CNTNAP2: variants seen among roughly 807,000 people sequenced by gnomAD.
CNTNAP2 encodes the protein contactin associated protein 2.
In CNTNAP2, 98 loss-of-function variants were observed where a neutral mutation model predicts 155.2. That is an observed-to-expected ratio of 0.63 (90% CI 0.54 to 0.75). The LOEUF is 0.75. CNTNAP2 is among the 30% of genes least tolerant of loss of function. CNTNAP2 has a pLI of 0.00. For missense variants in CNTNAP2, 1,727 were observed against 1,688.1 expected (o/e 1.02, Z -0.40); for synonymous variants, 651 against 631.2 (o/e 1.03, Z -0.47).
chr7:147,647,207 C>T (rs1052836993), intron 13 of CNTNAP2, among the ~76,000 whole-genome samples: 2 of 151,272 alleles, frequency 1.3e-5, no homozygotes, highest in Non-Finnish European at 2.9e-5. Context: ...CACCATGTTG[C>T]CCAGACTGGT....
At chr7:146,713,916 A>G (rs1435354169) in intron 1 of CNTNAP2, among the ~76,000 whole-genome samples, 2 of 152,182 alleles carry the variant, frequency 1.3e-5, no homozygotes, top group African/African-American at 2.4e-5. Flanking sequence ...TATTGTAAAA[A>G]TAAAATGAAC....
At chr7:148,264,282 G>A (rs1563017180) in intron 20 of CNTNAP2, among the ~76,000 whole-genome samples, 1 of 152,034 alleles carries the variant, frequency 6.6e-6, no homozygotes. Flanking sequence ...TGTGTTAGTT[G>A]GGTTCCATCC....
intron 11 of CNTNAP2, among the ~76,000 whole-genome samples, chr7:147,527,974 A>G (rs1027531591): frequency 4.6e-5 from 7 of 152,226 alleles, no homozygotes; most frequent in African/African-American, 1.7e-4. Context: ...ATTGAGCTCA[A>G]TCCCACTGGA....
At chr7:147,487,580 G>C (rs1041289545) in intron 11 of CNTNAP2, among the ~76,000 whole-genome samples, 1 of 152,154 alleles carries the variant, frequency 6.6e-6, no homozygotes, top group Non-Finnish European at 1.5e-5. Context: ...CAATGGTCAA[G>C]AGCAAGAAAT....
chr7:146,782,536 A>T (rs1802509355), intron 2 of CNTNAP2, among the ~76,000 whole-genome samples: 1 of 152,162 alleles, frequency 6.6e-6, no homozygotes, highest in South Asian at 2.1e-4. Flanking sequence ...AATGTATTAT[A>T]TCTTGGTTTC....
intron 15 of CNTNAP2, among the ~76,000 whole-genome samples, chr7:147,986,943 T>TG (rs1801629218): frequency 6.7e-6 from 1 of 149,964 alleles, no homozygotes; most frequent in Admixed American, 6.6e-5. Context: ...ATAGAAGGCA[T>TG]GAAAAAAAAA....
intron 1 of CNTNAP2, among the ~76,000 whole-genome samples, chr7:146,238,668 G>T (rs960784735): frequency 1.3e-5 from 2 of 152,156 alleles, no homozygotes. Flanking sequence ...TGCTGTAGTA[G>T]TCCAGTCTCA....
intron 22 of CNTNAP2, among the ~76,000 whole-genome samples, chr7:148,407,099 G>A (rs912163592): frequency 1.3e-5 from 2 of 152,140 alleles, no homozygotes; most frequent in African/African-American, 4.8e-5. Flanking sequence ...GAATAAATTT[G>A]AAGAGAAGAT....
chr7:147,019,032 C>G (rs1024880003), intron 3 of CNTNAP2, among the ~76,000 whole-genome samples: 1 of 151,914 alleles, frequency 6.6e-6, no homozygotes, highest in Non-Finnish European at 1.5e-5. Flanking sequence ...TGTAAGAATG[C>G]GTGATAAGAA....
At chr7:147,576,795 A>C (rs1174087058) in intron 12 of CNTNAP2, among the ~76,000 whole-genome samples, 1 of 129,172 alleles carries the variant, frequency 7.7e-6, no homozygotes, top group African/African-American at 2.7e-5. Context: ...GATAAATGCA[A>C]CTTATACGTT....
At chr7:147,868,025 G>A (rs1341070267) in intron 13 of CNTNAP2, among the ~76,000 whole-genome samples, 1 of 152,052 alleles carries the variant, frequency 6.6e-6, no homozygotes, top group African/African-American at 2.4e-5. Context: ...GAGGAGAAGA[G>A]GTGCTCTGAT....
chr7:146,751,784 A>G (rs1261456640), intron 1 of CNTNAP2, among the ~76,000 whole-genome samples: 3 of 150,672 alleles, frequency 2.0e-5, no homozygotes, highest in Non-Finnish European at 4.4e-5. Context: ...CTTGCCCCCA[A>G]CCCCCGACAG....
At chr7:147,870,117 C>T (rs1799302626) in intron 13 of CNTNAP2, among the ~76,000 whole-genome samples, 1 of 152,198 alleles carries the variant, frequency 6.6e-6, no homozygotes, top group South Asian at 2.1e-4. Context: ...AGTTCAGGTC[C>T]TCCAAGAAGC....
chr7:148,022,715 T>C (rs201706614), intron 15 of CNTNAP2, among the ~76,000 whole-genome samples: 1 of 15,654 alleles, frequency 6.4e-5, no homozygotes, highest in Non-Finnish European at 1.0e-4. Flanking sequence ...GTTTGGTTGG[T>C]TTTTTTTTGG....
intron 21 of CNTNAP2, among the ~76,000 whole-genome samples, chr7:148,355,306 G>A (rs1021495219): frequency 2.0e-5 from 3 of 148,092 alleles, no homozygotes; most frequent in Non-Finnish European, 4.5e-5. Context: ...CTCAGCCTCC[G>A]GAGTAAGCCC....
At chr7:148,174,945 C>A (rs1167941845) in intron 18 of CNTNAP2, among the ~76,000 whole-genome samples, 3 of 152,034 alleles carry the variant, frequency 2.0e-5, no homozygotes, top group Non-Finnish European at 4.4e-5. Context: ...GTGTGATGTT[C>A]CCCTCCCTGT....
At chr7:148,306,573 T>G (rs1797495735) in intron 21 of CNTNAP2, among the ~76,000 whole-genome samples, 1 of 152,184 alleles carries the variant, frequency 6.6e-6, no homozygotes, top group South Asian at 2.1e-4. Flanking sequence ...TTTTCACTTC[T>G]TTTTTTATGT....
intron 1 of CNTNAP2, among the ~76,000 whole-genome samples, chr7:146,295,079 A>G (rs1800491452): frequency 6.6e-6 from 1 of 152,220 alleles, no homozygotes; most frequent in Non-Finnish European, 1.5e-5. Flanking sequence ...AAATTTAAGT[A>G]GACACAGAAA....
At chr7:146,755,118 A>G (rs1442543960) in intron 1 of CNTNAP2, among the ~76,000 whole-genome samples, 1 of 151,934 alleles carries the variant, frequency 6.6e-6, no homozygotes, top group Non-Finnish European at 1.5e-5. Context: ...GGTATATACT[A>G]GTTGAGGATG....
Sources: gnomAD v4.1 joint callset for allele counts (sites outside exome capture counted in the v4.1 genomes callset) on GRCh38, gnomAD v4.1.1 for gene constraint, MANE v1.5 for transcripts, NCBI Gene and HGNC (gene_info 2026-07-23, HGNC 2026-07-21) for gene names.